CCDC148: variants seen among roughly 807,000 people sequenced by gnomAD.
CCDC148 encodes the protein coiled-coil domain-containing protein 148.
Under a neutral mutation model 85.7 loss-of-function variants are expected in CCDC148, and 89 were observed. The observed-to-expected ratio is 1.04, with a 90% CI of 0.87 to 1.24. The LOEUF (loss-of-function observed/expected upper bound fraction) is 1.24, where lower values mean the gene tolerates loss of function less well. Among genes scored for constraint, CCDC148 ranks in the 50% most tolerant of loss-of-function variants. The probability of loss-of-function intolerance (pLI) is 0.00; values close to 1 mark genes in which losing one functional copy is unlikely to be tolerated. For missense variants in CCDC148, 692 were observed against 671.7 expected (o/e 1.03, Z -0.33); for synonymous variants, 230 against 213.9 (o/e 1.08, Z -0.66).
intron 12 of CCDC148, chr2:158,178,111 C>T (rs1194416946): frequency 1.3e-5 from 2 of 152,022 alleles, no homozygotes; most frequent in East Asian, 3.9e-4. Context: ...TTTCCAGTGC[C>T]GGTGAGTACA....
chr2:158,230,405 G>A (rs1687797023), intron 10 of CCDC148, among the ~76,000 whole-genome samples: 1 of 152,178 alleles, frequency 6.6e-6, no homozygotes, highest in Non-Finnish European at 1.5e-5. Flanking sequence ...TGGTAGATGA[G>A]CGTGAAACAC....
At chr2:158,327,805 T>C (rs372412021) in intron 7 of CCDC148, among the ~76,000 whole-genome samples, 1 of 152,318 alleles carries the variant, frequency 6.6e-6, no homozygotes, top group African/African-American at 2.4e-5. Flanking sequence ...TCAAGTTTTA[T>C]GTCCTTCAGC....
intron 2 of CCDC148, among the ~76,000 whole-genome samples, chr2:158,351,323 C>T (rs1339826459): frequency 6.6e-6 from 1 of 152,190 alleles, no homozygotes; most frequent in African/African-American, 2.4e-5. Context: ...ATCTGAGGTA[C>T]CGGGTTCATC....
chr2:158,286,192 T>C (rs773131205), intron 9 of CCDC148, among the ~76,000 whole-genome samples: 31 of 152,132 alleles, frequency 2.0e-4, no homozygotes, highest in Non-Finnish European at 3.8e-4. Context: ...GATTCTATTT[T>C]CAATAGCAAA....
intron 1 of CCDC148, among the ~76,000 whole-genome samples, chr2:158,379,486 T>C (rs562530500): frequency 6.6e-6 from 1 of 152,330 alleles, no homozygotes; most frequent in South Asian, 2.1e-4. Flanking sequence ...TTGAGAAGGC[T>C]GACTCCAATT....
At chr2:158,364,715 G>T (rs1192045152) in intron 1 of CCDC148, among the ~76,000 whole-genome samples, 1 of 152,160 alleles carries the variant, frequency 6.6e-6, no homozygotes. Context: ...AGTCCTAGAA[G>T]AAAACCTAGG....
chr2:158,356,610 G>T (rs1683651463), intron 2 of CCDC148, among the ~76,000 whole-genome samples: 1 of 149,284 alleles, frequency 6.7e-6, no homozygotes, highest in Non-Finnish European at 1.5e-5. Flanking sequence ...TGGAGAAATA[G>T]GAACACTTTT....
chr2:158,183,538 A>G lies in CCDC148; in HGVS notation c.1371-4542T>C, dbSNP rs7591703. On this transcript the variant is annotated intron_variant, in intron 11 of 13. Transcript: ENST00000283233. ...GAAAAAGACTTCTGACAAATGGTCA[A>G]TAGTGGCAAGTTCTACAATTTAAAA... 4.6e-3 allele frequency among the ~76,000 whole-genome samples: 694 copies of G among 152,294 alleles called. 6 individuals carry two copies. The highest frequency in any genetic ancestry group is 0.016 in the African/African-American group (662 of 41,578).
At chr2:158,339,923 T>A (rs1682589517) in intron 5 of CCDC148, among the ~76,000 whole-genome samples, 1 of 152,098 alleles carries the variant, frequency 6.6e-6, no homozygotes, top group African/African-American at 2.4e-5. Context: ...CTAGGGAATT[T>A]CAGCAACAGA....
At chr2:158,310,582 G>A (rs972679083) in intron 8 of CCDC148, among the ~76,000 whole-genome samples, 35 of 150,908 alleles carry the variant, frequency 2.3e-4, no homozygotes, top group Admixed American at 4.0e-4. Flanking sequence ...GCTGCCGGGC[G>A]GAGGGGCTCC....
intron 9 of CCDC148, among the ~76,000 whole-genome samples, chr2:158,301,650 A>C (rs1488052005): frequency 1.3e-5 from 2 of 152,234 alleles, no homozygotes; most frequent in Non-Finnish European, 2.9e-5. Flanking sequence ...AGACAATGGG[A>C]AATATACAGG....
chr2:158,396,228 T>C (rs145606681), intron 1 of CCDC148, among the ~76,000 whole-genome samples: 165 of 152,266 alleles, frequency 1.1e-3, no homozygotes, highest in African/African-American at 3.7e-3. Flanking sequence ...AGAAATATTA[T>C]ATAAAATCCA....
chr2:158,224,035 A>AAG (rs1687349979), intron 10 of CCDC148, among the ~76,000 whole-genome samples: 1 of 152,216 alleles, frequency 6.6e-6, no homozygotes, highest in African/African-American at 2.4e-5. Context: ...CTAAAGGAGG[A>AAG]AGTTCGAACC....
At chr2:158,259,311 AC>A (rs1402288546) in intron 9 of CCDC148, among the ~76,000 whole-genome samples, 2 of 151,830 alleles carry the variant, frequency 1.3e-5, no homozygotes, top group African/African-American at 4.8e-5. Context: ...TAATTACTTG[AC>A]TGGTGCCTGT....
intron 9 of CCDC148, among the ~76,000 whole-genome samples, chr2:158,278,651 A>G (rs1470658687): frequency 6.6e-6 from 1 of 152,284 alleles, no homozygotes; most frequent in Admixed American, 6.5e-5. Context: ...AGCCCACCAC[A>G]GCTCAAGGAG....
At chr2:158,265,477 A>C (rs1024576826) in intron 9 of CCDC148, among the ~76,000 whole-genome samples, 3 of 152,130 alleles carry the variant, frequency 2.0e-5, no homozygotes, top group Non-Finnish European at 4.4e-5. Flanking sequence ...GGGAAATTTT[A>C]ATCTTCGAAT....
chr2:158,223,143 T>TTA (rs1320193203), intron 10 of CCDC148, among the ~76,000 whole-genome samples: 4 of 152,172 alleles, frequency 2.6e-5, no homozygotes. Flanking sequence ...CCCAAAGGTT[T>TTA]TAGCAAAGGG....
At chr2:158,445,952 C>T (rs927187331) in intron 1 of CCDC148, among the ~76,000 whole-genome samples, 3 of 151,996 alleles carry the variant, frequency 2.0e-5, no homozygotes, top group African/African-American at 7.3e-5. Context: ...GACAGTTCAC[C>T]CCCATACTTG....
chr2:158,200,440 G>A (rs927840542), intron 11 of CCDC148, among the ~76,000 whole-genome samples: 2 of 152,114 alleles, frequency 1.3e-5, no homozygotes, highest in Non-Finnish European at 2.9e-5. Flanking sequence ...CCAATCTACT[G>A]CTTATTTTTA....
Sources: allele counts gnomAD v4.1 joint callset (sites outside exome capture counted in the v4.1 genomes callset), GRCh38; gene constraint gnomAD v4.1.1; transcripts MANE v1.5; gene names NCBI Gene and HGNC (gene_info 2026-07-23, HGNC 2026-07-21).